Variants in SPAST observed in about 807,000 individuals in gnomAD.
SPAST encodes the protein spastic paraplegia 4 (autosomal dominant; spastin).
Under a neutral mutation model 76.6 loss-of-function variants are expected in SPAST, and 30 were observed. The observed-to-expected ratio is 0.39, with a 90% CI of 0.29 to 0.53. The LOEUF (loss-of-function observed/expected upper bound fraction) is 0.53. Among genes scored for constraint, SPAST ranks in the 20% least tolerant of loss-of-function variants. The pLI is 0.68. For synonymous variants in SPAST, 305 were observed against 281.0 expected, an observed-to-expected ratio of 1.09 and a Z score of -0.86; for missense variants, 717 against 770.5, an observed-to-expected ratio of 0.93 and a Z score of 0.82.
At chr2:32,153,768 C>A (rs529740997) in intron 16 of SPAST, among the ~76,000 whole-genome samples, 65 of 151,618 alleles carry the variant, frequency 4.3e-4, no homozygotes, top group Non-Finnish European at 8.2e-4. Flanking sequence ...AAAATAAGAC[C>A]AAATTAATAT....
intron 16 of SPAST, among the ~76,000 whole-genome samples, chr2:32,152,754 GTT>G (rs1035897540): frequency 7.0e-6 from 1 of 143,718 alleles, no homozygotes. Context: ...GGTTTTTGGG[GTT>G]TTTTTTTTTG....
chr2:32,135,275 G>A (rs1297283860), intron 9 of SPAST, among the ~76,000 whole-genome samples: 4 of 151,224 alleles, frequency 2.6e-5, no homozygotes, highest in Admixed American at 2.6e-4. Context: ...GACTACAGGC[G>A]CCTGCCACCA....
intron 4 of SPAST, among the ~76,000 whole-genome samples, chr2:32,099,660 G>T (rs190348805): frequency 4.9e-4 from 75 of 152,004 alleles, no homozygotes; most frequent in African/African-American, 1.7e-3. Flanking sequence ...ATCATTCCTT[G>T]TGTTGGAAAC....
chr2:32,090,167 G>A (rs1319159787), intron 3 of SPAST, among the ~76,000 whole-genome samples: 1 of 152,210 alleles, frequency 6.6e-6, no homozygotes, highest in Non-Finnish European at 1.5e-5. Context: ...TGCAGCTGAT[G>A]GGCCAACCCA....
chr2:32,096,978 A>G (rs1444201862), intron 3 of SPAST, among the ~76,000 whole-genome samples: 1 of 152,136 alleles, frequency 6.6e-6, no homozygotes, highest in African/African-American at 2.4e-5. Context: ...GGTAGCTGCT[A>G]TTTGACCTGT....
At chr2:32,113,815 C>T (rs189718506) in intron 4 of SPAST, among the ~76,000 whole-genome samples, 19 of 152,192 alleles carry the variant, frequency 1.2e-4, no homozygotes, top group Admixed American at 5.2e-4. Context: ...GATCCGTCCA[C>T]CTCGATCTCC....
chr2:32,136,229 T>C (rs1192002702), intron 9 of SPAST, among the ~76,000 whole-genome samples: 2 of 152,244 alleles, frequency 1.3e-5, no homozygotes, highest in African/African-American at 4.8e-5. Flanking sequence ...GCTTAAAGAA[T>C]ATGTACAATG....
At chr2:32,083,761 TATATATATATA>T (rs1558620185) in intron 1 of SPAST, among the ~76,000 whole-genome samples, 14 of 94,216 alleles carry the variant, frequency 1.5e-4, no homozygotes, top group African/African-American at 4.0e-4. Context: ...TATATATATA[TATATATATATA>T]TATATTTTTT....
chr2:32,150,239 A>ATTTTTT (rs11363493), intron 16 of SPAST, among the ~76,000 whole-genome samples: 552 of 66,546 alleles, frequency 8.3e-3, no homozygotes, highest in Non-Finnish European at 9.4e-3. Context: ...CGCCCAGCTA[A>ATTTTTT]TTTTTTTTTT....
chr2:32,113,572 T>TC (rs1678700474), intron 4 of SPAST, among the ~76,000 whole-genome samples: 1 of 143,758 alleles, frequency 7.0e-6, no homozygotes, highest in African/African-American at 2.6e-5. Flanking sequence ...TTTTTTTTTT[T>TC]TTTTTTTTTT....
At chr2:32,106,916 A>G (rs1678346378) in intron 4 of SPAST, among the ~76,000 whole-genome samples, 1 of 151,434 alleles carries the variant, frequency 6.6e-6, no homozygotes, top group Non-Finnish European at 1.5e-5. Context: ...GAAATGTAAG[A>G]GTCCATCACA....
intron 1 of SPAST, among the ~76,000 whole-genome samples, chr2:32,067,640 A>G (rs1676575885): frequency 6.6e-6 from 1 of 151,716 alleles, no homozygotes; most frequent in South Asian, 2.1e-4. Context: ...TTAAATATAT[A>G]AAAATAATTA....
At chr2:32,069,761 G>A (rs868125742) in intron 1 of SPAST, among the ~76,000 whole-genome samples, 45 of 151,912 alleles carry the variant, frequency 3.0e-4, no homozygotes, top group African/African-American at 9.4e-4. Context: ...GGGTTTCACC[G>A]TGTTAGCCAG....
At chr2:32,086,867 C>T (rs1677503356) in intron 1 of SPAST, among the ~76,000 whole-genome samples, 1 of 152,174 alleles carries the variant, frequency 6.6e-6, no homozygotes, top group Middle Eastern at 3.4e-3. Context: ...TTGAGTATAA[C>T]GATCACTTTA....
At chr2:32,081,839 C>T (rs1405122244) in intron 1 of SPAST, among the ~76,000 whole-genome samples, 1 of 143,616 alleles carries the variant, frequency 7.0e-6, no homozygotes, top group Non-Finnish European at 1.5e-5. Context: ...GGGCTCATCT[C>T]TGCTGGCTTC....
chr2:32,077,772 C>T (rs1573050853), intron 1 of SPAST: 2 of 152,310 alleles, frequency 1.3e-5, no homozygotes, highest in South Asian at 4.1e-4. Flanking sequence ...TAATCTGTTA[C>T]GCATATCTCT....
intron 1 of SPAST, among the ~76,000 whole-genome samples, chr2:32,083,655 CTATA>C (rs61231740): frequency 0.36 from 44,591 of 122,468 alleles, 8,360 homozygotes; most frequent in East Asian, 0.61. Flanking sequence ...ACTCTGCCTA[CTATA>C]TATATATATA....
chr2:32,125,181 T>TA (rs1679148115), intron 7 of SPAST, among the ~76,000 whole-genome samples: 1 of 152,074 alleles, frequency 6.6e-6, no homozygotes, highest in Admixed American at 6.5e-5. Context: ...TCTGTAAACC[T>TA]AAAATCACTA....
At chr2:32,110,650 T>C (rs1319339098) in intron 4 of SPAST, among the ~76,000 whole-genome samples, 1 of 137,526 alleles carries the variant, frequency 7.3e-6, no homozygotes, top group African/African-American at 2.7e-5. Context: ...ATATAGTATA[T>C]ATAGTATAGT....
Sources: allele counts gnomAD v4.1 joint callset (sites outside exome capture counted in the v4.1 genomes callset), GRCh38; gene constraint gnomAD v4.1.1; transcripts MANE v1.5; gene names NCBI Gene and HGNC (gene_info 2026-07-23, HGNC 2026-07-21).